Variants in PTK2 observed in about 807,000 individuals in gnomAD.
The protein encoded by PTK2 is focal adhesion kinase 1.
A neutral mutation model predicts 150.1 loss-of-function variants in PTK2; 45 were observed. The observed-to-expected ratio is 0.30, with a 90% CI of 0.24 to 0.38. PTK2 has a LOEUF of 0.38. PTK2 is among the 10% of genes least tolerant of loss of function. The pLI, the probability that PTK2 is intolerant of heterozygous loss-of-function variation, is 1.00. For synonymous variants in PTK2, 432 were observed against 449.2 expected, an observed-to-expected ratio of 0.96 and a Z score of 0.48; for missense variants, 919 against 1,307.3, an observed-to-expected ratio of 0.70 and a Z score of 4.58.
chr8:140,694,042 CTT>C (rs797013196), intron 26 of PTK2, among the ~76,000 whole-genome samples: 15 of 136,950 alleles, frequency 1.1e-4, no homozygotes, highest in Admixed American at 2.2e-4. Flanking sequence ...CTTTTCTTTT[CTT>C]TTTTTTTTTT....
chr8:140,886,982 G>A lies in PTK2; in HGVS notation c.195+3561C>T, dbSNP rs2100152537. Among the ~76,000 whole-genome samples the A allele has an allele frequency of 2.6e-5, 4 of 152,136 alleles. No homozygotes were observed. In the South Asian group the frequency reaches 8.3e-4, roughly 32 times the overall value. ...GCCTGGGTTTCTCTTGGCTGTTCTA[G>A]ATTGACCCCACACTTATCTCTAGAG... On this transcript the variant is annotated intron_variant, in intron 3 of 31. Coordinates refer to ENST00000522684, the Ensembl canonical transcript of PTK2.
chr8:140,741,103 C>G lies in PTK2; in HGVS notation c.1736-1996G>C, dbSNP rs995033140. The stretch of plus-strand genomic sequence containing the variant: ...AGGCTGCAGTGACTTGTGCTCATGC[C>G]ACTGCACTCCAGCCTGGACGACAGA... On this transcript the variant is annotated intron_variant, in intron 20 of 31. Coordinates refer to ENST00000522684, the Ensembl canonical transcript of PTK2. 4.0e-5 allele frequency among the ~76,000 whole-genome samples: 6 copies of G among 151,620 alleles called. No individual in the cohort carries two copies. In the South Asian group the frequency reaches 1.0e-3, roughly 26 times the overall value.
intron 2 of PTK2, among the ~76,000 whole-genome samples, chr8:140,894,461 T>C (rs2100155328): frequency 6.6e-6 from 1 of 152,200 alleles, no homozygotes; most frequent in Admixed American, 6.5e-5. Context: ...TTACAAAGTA[T>C]TAGGAAACAC....
intron 4 of PTK2, among the ~76,000 whole-genome samples, chr8:140,866,549 T>A (rs2100139416): frequency 6.6e-6 from 1 of 152,230 alleles, no homozygotes; most frequent in Non-Finnish European, 1.5e-5. Context: ...ATCACTTCTC[T>A]GTGCCTCAAT....
At chr8:140,856,169 A>AAC (rs1281645741) in intron 5 of PTK2, among the ~76,000 whole-genome samples, 1 of 152,208 alleles carries the variant, frequency 6.6e-6, no homozygotes, top group Non-Finnish European at 1.5e-5. Flanking sequence ...AAAAGGCTAA[A>AAC]ACAAAACAAT....
chr8:140,983,280 G>A (rs995269916), intron 1 of PTK2, among the ~76,000 whole-genome samples: 9 of 151,152 alleles, frequency 6.0e-5, no homozygotes, highest in Admixed American at 3.3e-4. Context: ...CCAGCTACTC[G>A]GAAGGCTGAG....
rs546535036 is a variant in PTK2 at position 140,937,410 on chromosome 8, G to C, written c.-121-11661C>G. Reference sequence around the variant, plus strand: ...AAAATGGACTTAAATATGAGAGAATGAAAGTTTATTTTTATGCTCTAAGTA... The same window carrying C: ...AAAATGGACTTAAATATGAGAGAATCAAAGTTTATTTTTATGCTCTAAGTA... On this transcript the variant is annotated intron_variant, in intron 1 of 31. Transcript: ENST00000522684. Among the ~76,000 whole-genome samples, 73 of 152,098 alleles carry C rather than the reference G, an allele frequency of 4.8e-4. 1 individual carries two copies. Among genetic ancestry groups the C allele is most frequent in the Non-Finnish European group, 9.6e-4 (65 of 67,986 alleles).
chr8:140,949,108 AATAAGT>A (rs1569403915), intron 1 of PTK2, among the ~76,000 whole-genome samples: 1 of 152,094 alleles, frequency 6.6e-6, no homozygotes, highest in Non-Finnish European at 1.5e-5. Context: ...ACTTCCATTT[AATAAGT>A]ATATTTTCTT....
chr8:140,668,582 A>T, intron 29 of PTK2, 158 bp from the exon 34 acceptor site: 2 of 779,314 alleles, frequency 2.6e-6, no homozygotes, highest in African/African-American at 1.8e-5. Context: ...TGAGAATGAC[A>T]GTAAAGTAAT....
chr8:140,985,281 G>A (rs965942583), intron 1 of PTK2, among the ~76,000 whole-genome samples: 10 of 151,906 alleles, frequency 6.6e-5, no homozygotes, highest in Admixed American at 6.6e-4. Context: ...GCACCACCAT[G>A]CCCAACTAAT....
At chr8:140,986,025 C>T (rs1034067123) in intron 1 of PTK2, among the ~76,000 whole-genome samples, 3 of 152,196 alleles carry the variant, frequency 2.0e-5, no homozygotes, top group African/African-American at 7.2e-5. Context: ...TAGTGGTTTT[C>T]AAATGCAGAT....
intron 1 of PTK2, among the ~76,000 whole-genome samples, chr8:140,979,988 G>T (rs745659923): frequency 6.6e-6 from 1 of 152,184 alleles, no homozygotes; most frequent in Non-Finnish European, 1.5e-5. Flanking sequence ...TATTAGTGGT[G>T]ATATAAATTG....
chr8:140,822,687 G>A (rs1193069339), intron 8 of PTK2, among the ~76,000 whole-genome samples: 1 of 152,172 alleles, frequency 6.6e-6, no homozygotes, highest in Non-Finnish European at 1.5e-5. Context: ...TGCTTTGAAT[G>A]TATTTTTAGA....
intron 1 of PTK2, among the ~76,000 whole-genome samples, chr8:140,986,530 T>C (rs1445643337): frequency 2.0e-5 from 3 of 152,314 alleles, no homozygotes; most frequent in Middle Eastern, 3.4e-3. Flanking sequence ...CTCAGTGCAC[T>C]TGCCAATTCT....
chr8:140,873,318 G>A (rs190434677), intron 4 of PTK2, among the ~76,000 whole-genome samples: 1 of 152,344 alleles, frequency 6.6e-6, no homozygotes, highest in African/African-American at 2.4e-5. Context: ...CCAACTGGAG[G>A]TAGAGTTTCA....
At chr8:140,683,280 C>T (rs1372423848) in intron 27 of PTK2, among the ~76,000 whole-genome samples, 1 of 152,166 alleles carries the variant, frequency 6.6e-6, no homozygotes, top group Admixed American at 6.5e-5. Context: ...TGGACACATA[C>T]ACATTCCCAA....
chr8:140,681,168 G>T (rs1267503344), intron 27 of PTK2, among the ~76,000 whole-genome samples: 1 of 150,260 alleles, frequency 6.7e-6, no homozygotes, highest in Non-Finnish European at 1.5e-5. Flanking sequence ...AGTTCAAGAC[G>T]AGCCTGGCCA....
chr8:140,927,975 A>AAAATATATATATAT, intron 1 of PTK2, among the ~76,000 whole-genome samples: 2 of 48,190 alleles, frequency 4.2e-5, no homozygotes, highest in African/African-American at 9.8e-5. Flanking sequence ...AAAAAAAAAA[A>AAAATATATATATAT]ATATATATAT....
At chr8:140,744,829 T>C in intron 18 of PTK2, 62 bp from the exon 22 acceptor site, 1 of 949,238 alleles carries the variant, frequency 1.1e-6, no homozygotes, top group Middle Eastern at 3.1e-4. Flanking sequence ...TGAATCGAAA[T>C]CAAAAGCAAA....
Sources: allele counts gnomAD v4.1 joint callset (sites outside exome capture counted in the v4.1 genomes callset), GRCh38; gene constraint gnomAD v4.1.1; transcripts MANE v1.5; gene names NCBI Gene and HGNC (gene_info 2026-07-23, HGNC 2026-07-21).